PCDH15: variants seen among roughly 807,000 people sequenced by gnomAD.
The protein encoded by PCDH15 is protocadherin related 15.
In PCDH15, 129 loss-of-function variants were observed where a neutral mutation model predicts 178.5. The observed-to-expected ratio is 0.72, with a 90% CI of 0.63 to 0.84. PCDH15 has a LOEUF of 0.84. Among genes scored for constraint, PCDH15 ranks in the 40% least tolerant of loss-of-function variants. The pLI, the probability that PCDH15 is intolerant of heterozygous loss-of-function variation, is 0.00. For missense variants in PCDH15, 2,230 were observed against 2,099.9 expected, an observed-to-expected ratio of 1.06 and a Z score of -1.21; for synonymous variants, 800 against 732.0, an observed-to-expected ratio of 1.09 and a Z score of -1.50.
intron 3 of PCDH15, among the ~76,000 whole-genome samples, chr10:54,809,258 G>T (rs910428300): frequency 1.3e-5 from 2 of 151,988 alleles, no homozygotes; most frequent in Non-Finnish European, 2.9e-5. Flanking sequence ...TATCTTCCTA[G>T]ATTTTGGGTT....
intron 3 of PCDH15, among the ~76,000 whole-genome samples, chr10:54,861,247 A>G (rs1953837564): frequency 6.6e-6 from 1 of 152,176 alleles, no homozygotes; most frequent in South Asian, 2.1e-4. Flanking sequence ...CAAGAAAAAA[A>G]GAAGATTCAA....
At chr10:55,374,200 C>T (rs1319217471) in intron 2 of PCDH15, among the ~76,000 whole-genome samples, 1 of 151,972 alleles carries the variant, frequency 6.6e-6, no homozygotes, top group Non-Finnish European at 1.5e-5. Flanking sequence ...TGTCATATGG[C>T]ACCTAGCCAA....
chr10:55,526,911 A>G (rs1419733225), intron 2 of PCDH15, among the ~76,000 whole-genome samples: 1 of 152,074 alleles, frequency 6.6e-6, no homozygotes, highest in East Asian at 1.9e-4. Flanking sequence ...TTATATTTAT[A>G]GGCAACGTCA....
At chr10:54,568,248 T>C (rs986015156) in intron 2 of PCDH15, among the ~76,000 whole-genome samples, 1 of 152,004 alleles carries the variant, frequency 6.6e-6, no homozygotes, top group Non-Finnish European at 1.5e-5. Flanking sequence ...TCCAGATGCC[T>C]ACATGGCACA....
At chr10:54,125,569 A>C (rs2041921983) in intron 15 of PCDH15, among the ~76,000 whole-genome samples, 1 of 152,206 alleles carries the variant, frequency 6.6e-6, no homozygotes, top group Non-Finnish European at 1.5e-5. Context: ...GCTGAAGGGA[A>C]TAAGGAAATT....
At chr10:54,301,023 A>G (rs992252322) in intron 8 of PCDH15, among the ~76,000 whole-genome samples, 19 of 152,136 alleles carry the variant, frequency 1.2e-4, no homozygotes, top group African/African-American at 4.6e-4. Flanking sequence ...CTGAGAAGGT[A>G]TGTGGCTTCA....
intron 3 of PCDH15, among the ~76,000 whole-genome samples, chr10:54,504,145 A>G (rs1339436482): frequency 6.6e-6 from 1 of 152,140 alleles, no homozygotes; most frequent in African/African-American, 2.4e-5. Flanking sequence ...TGGACCTCAA[A>G]TTCAAAGATT....
intron 3 of PCDH15, among the ~76,000 whole-genome samples, chr10:54,884,424 T>TA (rs2131809278): frequency 1.3e-5 from 2 of 151,338 alleles, no homozygotes; most frequent in Admixed American, 1.3e-4. Flanking sequence ...TCACTTAAAA[T>TA]AAAAAATCAA....
intron 2 of PCDH15, among the ~76,000 whole-genome samples, chr10:55,577,452 A>C (rs956688918): frequency 8.5e-5 from 13 of 152,154 alleles, no homozygotes; most frequent in African/African-American, 1.7e-4. Flanking sequence ...AAAAGAAAGA[A>C]TAATTATTTT....
chr10:54,888,869 G>T (rs144201387), intron 3 of PCDH15, among the ~76,000 whole-genome samples: 1 of 149,606 alleles, frequency 6.7e-6, no homozygotes, highest in Non-Finnish European at 1.5e-5. Flanking sequence ...GTCTTTTACA[G>T]ATGTGTTATT....
chr10:54,336,071 C>T (rs2583021), intron 6 of PCDH15, among the ~76,000 whole-genome samples: 44,693 of 151,886 alleles, frequency 0.29, 7,072 homozygotes, highest in African/African-American at 0.41. Flanking sequence ...TTGTCCCTGA[C>T]GTAGAGATTT....
At chr10:54,615,664 AAC>A (rs2093118203) in intron 2 of PCDH15, among the ~76,000 whole-genome samples, 1 of 151,284 alleles carries the variant, frequency 6.6e-6, no homozygotes, top group African/African-American at 2.4e-5. Flanking sequence ...GAGAGAGAAA[AAC>A]ACACATAAAC....
chr10:55,425,323 A>T (rs1838725655), intron 2 of PCDH15, among the ~76,000 whole-genome samples: 1 of 151,984 alleles, frequency 6.6e-6, no homozygotes, highest in Admixed American at 6.6e-5. Flanking sequence ...AATTTCTCCA[A>T]ATTAAAAGTC....
chr10:53,997,890 CT>C (rs2091930604), intron 20 of PCDH15, among the ~76,000 whole-genome samples: 1 of 152,124 alleles, frequency 6.6e-6, no homozygotes, highest in Non-Finnish European at 1.5e-5. Flanking sequence ...GTTGTACATA[CT>C]TTGGGGTTAT....
chr10:55,030,449 A>C (rs977031559), intron 2 of PCDH15, among the ~76,000 whole-genome samples: 2 of 152,216 alleles, frequency 1.3e-5, no homozygotes, highest in African/African-American at 4.8e-5. Context: ...GCTGCAAAAG[A>C]TTCCTGGATA....
intron 2 of PCDH15, among the ~76,000 whole-genome samples, chr10:55,511,039 G>T (rs570918150): frequency 1.9e-3 from 292 of 149,792 alleles, no homozygotes; most frequent in Non-Finnish European, 2.7e-3. Context: ...TGTTTTTTTT[G>T]TTTGTTTGTT....
chr10:54,451,374 A>C (rs891951723), intron 3 of PCDH15, among the ~76,000 whole-genome samples: 1 of 151,974 alleles, frequency 6.6e-6, no homozygotes, highest in South Asian at 2.1e-4. Flanking sequence ...ATAAATACAG[A>C]ATACAGAATA....
chr10:55,515,898 C>T (rs996363283), intron 2 of PCDH15, among the ~76,000 whole-genome samples: 7 of 152,062 alleles, frequency 4.6e-5, no homozygotes, highest in Non-Finnish European at 8.8e-5. Flanking sequence ...CAAAAATATA[C>T]CTTTATCCTT....
At chr10:54,139,059 T>C (rs538888357) in intron 14 of PCDH15, among the ~76,000 whole-genome samples, 92 of 152,302 alleles carry the variant, frequency 6.0e-4, no homozygotes, top group African/African-American at 2.2e-3. Context: ...TTTAGAATTG[T>C]CAGCATACAT....
Sources: gnomAD v4.1 joint callset for allele counts (sites outside exome capture counted in the v4.1 genomes callset) on GRCh38, gnomAD v4.1.1 for gene constraint, MANE v1.5 for transcripts, NCBI Gene and HGNC (gene_info 2026-07-23, HGNC 2026-07-21) for gene names.